The following HOXA3 variants were observed in gnomAD, a reference collection of about 807,000 sequenced individuals.
HOXA3 encodes the protein homeobox protein Hox-A3.
In HOXA3, 8 loss-of-function variants were observed where a neutral mutation model predicts 30.3. The ratio of observed to expected loss-of-function variants is 0.26; its 90% CI spans 0.15 to 0.48. HOXA3 has a LOEUF of 0.48. Among genes scored for constraint, HOXA3 ranks in the 20% least tolerant of loss-of-function variants. The pLI is 0.99. For missense variants in HOXA3, 653 were observed against 614.4 expected (o/e 1.06, Z -0.66); for synonymous variants, 323 against 273.1 (o/e 1.18, Z -1.80).
intron 1 of HOXA3, chr7:27,151,371 G>C: frequency 3.0e-6 from 1 of 336,472 alleles, no homozygotes; most frequent in South Asian, 2.2e-5. Context: ...TCCTCTCCCC[G>C]CTCGCGGAAG....
At chr7:27,114,880 T>TTATATATTATATATATAATATATA (rs11271601) in intron 4 of HOXA3, among the ~76,000 whole-genome samples, 3 of 98,404 alleles carry the variant, frequency 3.0e-5, no homozygotes, top group Non-Finnish European at 4.1e-5. Flanking sequence ...ATTATATATA[T>TTATATATTATATATATAATATATA]GTATATACAT....
chr7:27,123,940 TG>T (rs1314403436), intron 3 of HOXA3: 1 of 152,246 alleles, frequency 6.6e-6, no homozygotes, highest in Admixed American at 6.5e-5. Context: ...CCCCTGGTCT[TG>T]GGGCTCCTGG....
intron 2 of HOXA3, chr7:27,130,287 C>T: frequency 9.1e-7 from 1 of 1,103,298 alleles, no homozygotes; most frequent in Non-Finnish European, 1.1e-6. Flanking sequence ...CCGCTGGGGG[C>T]ACGGCGCGAG....
chr7:27,145,889 T>C, intron 1 of HOXA3: 2 of 1,612,456 alleles, frequency 1.2e-6, no homozygotes, highest in Non-Finnish European at 1.7e-6. Flanking sequence ...TCTGGCGGCC[T>C]CGGCGCCCAT....
intron 1 of HOXA3, among the ~76,000 whole-genome samples, chr7:27,146,379 T>A (rs1379211163): frequency 6.6e-6 from 1 of 152,166 alleles, no homozygotes; most frequent in African/African-American, 2.4e-5. Flanking sequence ...ACTCAACACA[T>A]TTTTTGAAGA....
chr7:27,130,616 G>A (rs751626752), intron 2 of HOXA3: 3 of 1,553,780 alleles, frequency 1.9e-6, no homozygotes, highest in African/African-American at 1.4e-5. Context: ...TGGTAGCCGG[G>A]GCCCCCGCCC....
At chr7:27,124,641 A>G (rs1785195521) in intron 3 of HOXA3, 1 of 152,206 alleles carries the variant, frequency 6.6e-6, no homozygotes, top group Non-Finnish European at 1.5e-5. Context: ...TGAGAGATTC[A>G]TTCCTAGTGA....
rs1237063172 is a variant in HOXA3, at chr7:27,110,755, G to T, written c.-115C>A. 1 of 1,510,708 alleles carries T rather than the reference G, an allele frequency of 6.6e-7. No individual in the cohort carries two copies. Among genetic ancestry groups the T allele is most frequent in the Non-Finnish European group, 9.0e-7 (1 of 1,108,504 alleles). 93.6% of individuals were successfully genotyped at this position (1,510,708 alleles called of 1,614,324 possible). A position where few individuals can be genotyped will look rare whatever the true frequency, so the allele number is the denominator to read the frequency against. On this transcript the variant is annotated 5_prime_UTR_variant, in exon 5 of 6. Coordinates refer to ENST00000612286, the MANE Select transcript of HOXA3 (RefSeq NM_153631.3). ...ACTCCGCCGCCAATGGCCGCCCCGCGCAGACCTGGTGGGGCGAGAAGCGCA... is the reference window on the plus strand; with the variant it reads ...ACTCCGCCGCCAATGGCCGCCCCGCTCAGACCTGGTGGGGCGAGAAGCGCA...
chr7:27,109,990 G>T, intron 5 of HOXA3, 125 bp downstream of exon 5: 1 of 1,187,774 alleles, frequency 8.4e-7, no homozygotes, highest in Non-Finnish European at 1.2e-6. Flanking sequence ...TTGGTGGGCA[G>T]TGGTGTGGGA....
chr7:27,111,041 GAAAGGCTTGATAGGCTAGAAAGGAA>G (rs1784345170), intron 4 of HOXA3, among the ~76,000 whole-genome samples: 2 of 152,168 alleles, frequency 1.3e-5, no homozygotes, highest in African/African-American at 4.8e-5. Context: ...TCCAAAAGGA[GAAAGGCTTGATAGGCTAGAAAGGAA>G]AAAGGCTGGG....
At position 27,143,309 on chromosome 7, in the gene HOXA3, G is replaced by C. The variant is rs748367476; in HGVS notation, c.-493-3123C>G. On this transcript the variant is annotated intron_variant, in intron 1 of 5. Coordinates refer to ENST00000612286, the MANE Select transcript of HOXA3 (RefSeq NM_153631.3). ...GGGGGCCACGGCGGAGCAGGGCAGC[G>C]GATCGGGCTGAGGAGAGTGCGTGGA... 1.2e-6 allele frequency: 2 copies of C among 1,600,136 alleles called. No individual in the cohort carries two copies. Among genetic ancestry groups the C allele is most frequent in the Admixed American group, 1.7e-5 (1 of 59,026 alleles).
intron 1 of HOXA3, chr7:27,151,427 G>T (rs1782968990): frequency 5.8e-6 from 2 of 344,030 alleles, no homozygotes; most frequent in Non-Finnish European, 5.8e-6. Flanking sequence ...TGGATTGGGG[G>T]GTCCCCCTAT....
At chr7:27,148,295 C>A (rs1261102624) in intron 1 of HOXA3, among the ~76,000 whole-genome samples, 1 of 152,278 alleles carries the variant, frequency 6.6e-6, no homozygotes, top group African/African-American at 2.4e-5. Flanking sequence ...AGAGTTGCCC[C>A]TCCCCTAGCG....
intron 1 of HOXA3, among the ~76,000 whole-genome samples, chr7:27,142,389 C>G (rs539286296): frequency 8.4e-4 from 128 of 152,306 alleles, no homozygotes; most frequent in Middle Eastern, 3.4e-3. Context: ...GAGGCACAGC[C>G]CTCCCAGGCT....
chr7:27,117,901 C>G (rs906611464), intron 4 of HOXA3, among the ~76,000 whole-genome samples: 2 of 152,236 alleles, frequency 1.3e-5, no homozygotes, highest in African/African-American at 4.8e-5. Flanking sequence ...CACCCTTGCA[C>G]TGGGGGCCAC....
chr7:27,118,994 T>G (rs938442688), intron 4 of HOXA3, among the ~76,000 whole-genome samples: 4 of 152,204 alleles, frequency 2.6e-5, no homozygotes, highest in Admixed American at 6.5e-5. Context: ...TATAGAGTGG[T>G]GGGTCCGGGT....
chr7:27,142,103 G>A, intron 1 of HOXA3: 2 of 1,607,428 alleles, frequency 1.2e-6, no homozygotes, highest in South Asian at 2.2e-5. Context: ...AGAAAAGTCA[G>A]CGGTTTAGCC....
chr7:27,122,297 ACT>A (rs1186207126), intron 4 of HOXA3: 1 of 151,172 alleles, frequency 6.6e-6, no homozygotes, highest in Non-Finnish European at 1.5e-5. Flanking sequence ...ACTCCCTCTG[ACT>A]CTCCACAACC....
chr7:27,114,868 A>AT (rs1784622129), intron 4 of HOXA3, among the ~76,000 whole-genome samples: 2 of 114,300 alleles, frequency 1.7e-5, no homozygotes, highest in African/African-American at 6.5e-5. Flanking sequence ...TATATAATAT[A>AT]TATTATATAT....
Sources: gnomAD v4.1 joint callset for allele counts (sites outside exome capture counted in the v4.1 genomes callset) on GRCh38, gnomAD v4.1.1 for gene constraint, MANE v1.5 for transcripts, NCBI Gene and HGNC (gene_info 2026-07-23, HGNC 2026-07-21) for gene names.